The following ZFR variants were observed in gnomAD, a reference collection of about 807,000 sequenced individuals.
The protein encoded by ZFR is zinc finger RNA binding protein.
Under a neutral mutation model 130.7 loss-of-function variants are expected in ZFR, and 19 were observed. The ratio of observed to expected loss-of-function variants is 0.15; its 90% CI spans 0.10 to 0.21. The LOEUF is 0.21. Among genes scored for constraint, ZFR ranks in the 10% least tolerant of loss-of-function variants. The pLI is 1.00. For missense variants in ZFR, 872 were observed against 1,321.5 expected, an observed-to-expected ratio of 0.66 and a Z score of 5.27; for synonymous variants, 466 against 456.9, an observed-to-expected ratio of 1.02 and a Z score of -0.25.
At chr5:32,401,765 G>A (rs1169782924) in intron 8 of ZFR, among the ~76,000 whole-genome samples, 1 of 152,080 alleles carries the variant, frequency 6.6e-6, no homozygotes, top group East Asian at 1.9e-4. Context: ...AGAATATGTT[G>A]AGATTGGGTA....
At chr5:32,357,173 G>A (rs953853038) in intron 19 of ZFR, among the ~76,000 whole-genome samples, 2 of 151,778 alleles carry the variant, frequency 1.3e-5, no homozygotes, top group Non-Finnish European at 2.9e-5. Context: ...TGTAGAGACG[G>A]GGTATTTTCG....
At chr5:32,432,470 T>A (rs1336876463) in intron 2 of ZFR, among the ~76,000 whole-genome samples, 1 of 152,150 alleles carries the variant, frequency 6.6e-6, no homozygotes, top group East Asian at 1.9e-4. Context: ...AAAGTTTCTA[T>A]TTAAGTCTTC....
intron 2 of ZFR, among the ~76,000 whole-genome samples, chr5:32,434,870 C>A (rs1282759511): frequency 6.6e-6 from 1 of 152,114 alleles, no homozygotes; most frequent in Admixed American, 6.5e-5. Context: ...GTACAATAAA[C>A]CCTGAAGGAT....
At chr5:32,391,979 C>T (rs1181558754) in intron 11 of ZFR, among the ~76,000 whole-genome samples, 4 of 152,096 alleles carry the variant, frequency 2.6e-5, no homozygotes, top group African/African-American at 7.2e-5. Flanking sequence ...ACTGATTGCC[C>T]GCCTTGGCCT....
intron 12 of ZFR, 38 bp from the exon 13 acceptor site, chr5:32,388,712 T>A (rs770266374): frequency 1.3e-6 from 2 of 1,545,340 alleles, no homozygotes. Context: ...AAAAAAAAGT[T>A]TCCTGAGCAA....
chr5:32,356,436 A>G (rs1398513234), intron 19 of ZFR, among the ~76,000 whole-genome samples: 1 of 152,174 alleles, frequency 6.6e-6, no homozygotes, highest in Non-Finnish European at 1.5e-5. Flanking sequence ...TTTTTGAGAC[A>G]GAGTCTCGCT....
chr5:32,408,302 G>C (rs1581701919), intron 5 of ZFR, among the ~76,000 whole-genome samples: 1 of 127,246 alleles, frequency 7.9e-6, no homozygotes. Flanking sequence ...CCTGTATTGT[G>C]AACGTTTGAT....
intron 17 of ZFR, among the ~76,000 whole-genome samples, chr5:32,376,809 C>T (rs942296797): frequency 2.0e-5 from 3 of 152,076 alleles, no homozygotes; most frequent in Non-Finnish European, 4.4e-5. Flanking sequence ...GAAACCCCAT[C>T]TCTACCAAAA....
At chr5:32,376,515 G>A (rs1345790140) in intron 17 of ZFR, among the ~76,000 whole-genome samples, 2 of 151,432 alleles carry the variant, frequency 1.3e-5, no homozygotes, top group African/African-American at 4.9e-5. Context: ...GTGTGGTGGC[G>A]CATGCCTGTA....
intron 11 of ZFR, among the ~76,000 whole-genome samples, chr5:32,393,508 A>G (rs543732680): frequency 6.6e-6 from 1 of 151,906 alleles, no homozygotes; most frequent in Non-Finnish European, 1.5e-5. Flanking sequence ...CACGCCGGCT[A>G]ATTTTGTATT....
chr5:32,419,727 C>A, intron 3 of ZFR, 94 bp downstream of exon 3: 13 of 1,482,674 alleles, frequency 8.8e-6, no homozygotes, highest in Non-Finnish European at 1.2e-5. Context: ...TTTGGAAGCC[C>A]CAAGTTTGAG....
At chr5:32,379,433 A>C in intron 16 of ZFR, 1 of 522,796 alleles carries the variant, frequency 1.9e-6, no homozygotes, top group Non-Finnish European at 3.4e-6. Flanking sequence ...ATTATACAAG[A>C]ATAATATTTC....
At position 32,355,710 on chromosome 5, in the gene ZFR, C is replaced by T; in HGVS notation, c.*50G>A. 6.9e-7 allele frequency: 1 copy of T among 1,455,924 alleles called. No homozygotes were observed. Among genetic ancestry groups the T allele is most frequent in the Non-Finnish European group, 9.2e-7 (1 of 1,087,906 alleles). The allele number at this position is 1,455,924 out of a possible 1,614,324, so 90.2% of individuals were successfully genotyped here. On this transcript the variant is annotated 3_prime_UTR_variant, in exon 20 of 20. Transcript: ENST00000265069. ...AGACATTATTATGAATGAAAAACAG[C>T]CAACAAATGGGCATCTGTTTTTTTA... is the stretch of plus-strand genomic sequence containing the variant.
chr5:32,409,304 C>G (rs1753647025), intron 5 of ZFR, among the ~76,000 whole-genome samples: 1 of 152,150 alleles, frequency 6.6e-6, no homozygotes, highest in African/African-American at 2.4e-5. Context: ...TTAAAACGTT[C>G]TCTTAAATAC....
rs1263961571 is a variant in ZFR, at chr5:32,390,360, T to A, written c.2057A>T (p.Asp686Val). 6.2e-7 allele frequency: 1 copy of A among 1,614,172 alleles called. No individual in the cohort carries two copies. The highest frequency in any genetic ancestry group is 1.1e-5 in the South Asian group (1 of 91,088). The change falls in exon 12 of 20, where the codon GAT becomes GTT. Residue 686 changes from aspartate (D) to valine (V), a missense_variant. Physicochemically the swap from Asp to Val is radical, Grantham distance 152. Transcript: ENST00000265069. Reference sequence around the variant, plus strand: ...TGGAGGACCATGAGGATAACCTCCATCTGGCATTCGGCGGCGATCATCCCA... The same window carrying A: ...TGGAGGACCATGAGGATAACCTCCAACTGGCATTCGGCGGCGATCATCCCA... ...HHWDDRRRMP[D>V]GGYPHGPPGP... is the part of the protein sequence containing the mutation.
At chr5:32,416,920 T>TTC (rs929069768) in intron 4 of ZFR, among the ~76,000 whole-genome samples, 2 of 151,306 alleles carry the variant, frequency 1.3e-5, no homozygotes, top group Non-Finnish European at 2.9e-5. Flanking sequence ...TTTTCTTTTT[T>TTC]TTTTTATTAT....
chr5:32,392,145 A>AATCC (rs1248535950), intron 11 of ZFR, among the ~76,000 whole-genome samples: 4 of 152,228 alleles, frequency 2.6e-5, no homozygotes, highest in Non-Finnish European at 1.5e-5. Flanking sequence ...CGTTCTGGAA[A>AATCC]ATCCTGTTCG....
At chr5:32,369,475 T>A (rs1046561754) in intron 17 of ZFR, among the ~76,000 whole-genome samples, 1 of 149,408 alleles carries the variant, frequency 6.7e-6, no homozygotes. Context: ...ACATTTGATA[T>A]ATCATTCTTT....
At chr5:32,412,449 A>G (rs532660410) in intron 5 of ZFR, among the ~76,000 whole-genome samples, 99 of 152,364 alleles carry the variant, frequency 6.5e-4, no homozygotes, top group African/African-American at 2.3e-3. Flanking sequence ...GCAAACTAAC[A>G]AAGAATGGCA....
Sources: allele counts gnomAD v4.1 joint callset (sites outside exome capture counted in the v4.1 genomes callset), GRCh38; gene constraint gnomAD v4.1.1; transcripts MANE v1.5; gene names NCBI Gene and HGNC (gene_info 2026-07-23, HGNC 2026-07-21).